The following EDNRB variants were observed in gnomAD, a reference collection of about 807,000 sequenced individuals.
EDNRB encodes endothelin receptor type B, also known as Hirschsprung disease 2.
Under a neutral mutation model 46.4 loss-of-function variants are expected in EDNRB, and 18 were observed. The ratio of observed to expected loss-of-function variants is 0.39; its 90% CI spans 0.27 to 0.57. The LOEUF (loss-of-function observed/expected upper bound fraction) is 0.57. Among genes scored for constraint, EDNRB ranks in the 20% least tolerant of loss-of-function variants. The probability of loss-of-function intolerance (pLI) is 0.61; values close to 1 mark genes in which losing one functional copy is unlikely to be tolerated. For synonymous variants in EDNRB, 213 were observed against 204.9 expected (o/e 1.04, Z -0.34); for missense variants, 434 against 537.5 (o/e 0.81, Z 1.90).
chr13:77,907,097 C>T (rs1250280406), intron 1 of EDNRB, among the ~76,000 whole-genome samples: 1 of 152,004 alleles, frequency 6.6e-6, no homozygotes, highest in African/African-American at 2.4e-5. Context: ...CTTCTGCTCA[C>T]CTAGTGCGAT....
chr13:77,954,583 C>G (rs968114763), intron 1 of EDNRB, among the ~76,000 whole-genome samples: 5 of 151,886 alleles, frequency 3.3e-5, no homozygotes, highest in African/African-American at 1.2e-4. Flanking sequence ...ACGATCTCGG[C>G]TCACTGCCAT....
At chr13:77,933,574 A>G (rs905135618) in intron 1 of EDNRB, among the ~76,000 whole-genome samples, 13 of 152,098 alleles carry the variant, frequency 8.5e-5, no homozygotes, top group African/African-American at 2.9e-4. Context: ...GGCCATCTGG[A>G]TGTGTACGTG....
At chr13:77,975,000 C>T (rs12720109) in intron 1 of EDNRB, among the ~76,000 whole-genome samples, 2,195 of 152,096 alleles carry the variant, frequency 0.014, 45 homozygotes, top group East Asian at 0.024. Context: ...AACAAAGAAC[C>T]GGTAAAAAGG....
chr13:77,924,533 G>A (rs1297412306), upstream of EDNRB, among the ~76,000 whole-genome samples: 2 of 152,272 alleles, frequency 1.3e-5, no homozygotes, highest in East Asian at 3.9e-4. Context: ...ATCTTTTAAT[G>A]TGGTAAAAAA....
chr13:77,926,514 A>G (rs1259952475), intron 1 of EDNRB, among the ~76,000 whole-genome samples: 1 of 152,210 alleles, frequency 6.6e-6, no homozygotes, highest in African/African-American at 2.4e-5. Context: ...CCTTTGCTCC[A>G]GTTCCCAACA....
At chr13:77,964,024 G>T (rs1314724152) in intron 1 of EDNRB, among the ~76,000 whole-genome samples, 1 of 152,108 alleles carries the variant, frequency 6.6e-6, no homozygotes, top group Non-Finnish European at 1.5e-5. Flanking sequence ...GAAAAAATGT[G>T]CCTCATCACT....
intron 1 of EDNRB, among the ~76,000 whole-genome samples, chr13:77,956,989 G>A (rs1566336791): frequency 6.6e-6 from 1 of 152,152 alleles, no homozygotes; most frequent in Non-Finnish European, 1.5e-5. Context: ...AGGGACTGAG[G>A]ACTAGGACAT....
At chr13:77,959,105 A>C (rs1881324385) in intron 1 of EDNRB, among the ~76,000 whole-genome samples, 2 of 152,212 alleles carry the variant, frequency 1.3e-5, no homozygotes, top group South Asian at 4.1e-4. Flanking sequence ...ATTTTCTCCT[A>C]TACTCAAATA....
Position 77,903,223 on chromosome 13 carries a change from A to G in EDNRB, c.734T>C (p.Met245Thr), listed in dbSNP as rs1216200131. 1.2e-6 allele frequency: 2 copies of G among 1,612,938 alleles called. No individual in the cohort carries two copies. Among genetic ancestry groups the G allele is most frequent in the Non-Finnish European group, 1.7e-6 (2 of 1,179,378 alleles). The change falls in exon 3 of 7, where the codon ATG (methionine) becomes ACG (threonine). Residue 245 changes from methionine to threonine, a missense_variant. Met to Thr is a moderately conservative substitution (Grantham distance 81, BLOSUM62 -1). Coordinates refer to ENST00000646607, the MANE Select transcript of EDNRB (RefSeq NM_001122659.3). Reference protein sequence around the residue: ...PEAIGFDIITMDYKGSYLRIC... With the variant: ...PEAIGFDIITTDYKGSYLRIC... ...TCGCAGATAACTTCCTTTGTAGTCC[A>G]TCGTAATTATATCAAAACCTATGGC...
chr13:77,912,619 G>A (rs1879628128), intron 1 of EDNRB, among the ~76,000 whole-genome samples: 1 of 152,084 alleles, frequency 6.6e-6, no homozygotes, highest in South Asian at 2.1e-4. Context: ...GACAGTTGCA[G>A]CCACTATGAT....
Position 77,901,074 on chromosome 13 carries a change from T to C in EDNRB, c.935A>G (p.Asn312Ser). Residue 312 changes from asparagine (N) to serine (S), a missense_variant, in exon 4 of 7, where the codon AAT becomes AGT. By Grantham distance (46) the Asn-to-Ser change is conservative. Transcript: ENST00000646607. ...RKKSGMQIAL[N>S]DHLKQRREVA... ...TTTTCTTACCTGCTTTAGGTGATCATTTAAAGCAATCTGCATGCCACTTTT... is the reference window on the plus strand; with the variant it reads ...TTTTCTTACCTGCTTTAGGTGATCACTTAAAGCAATCTGCATGCCACTTTT... 1 of 1,610,852 alleles carries C rather than the reference T, an allele frequency of 6.2e-7. No individual in the cohort carries two copies. The highest frequency in any genetic ancestry group is 8.5e-7 in the Non-Finnish European group (1 of 1,178,276).
intron 1 of EDNRB, among the ~76,000 whole-genome samples, chr13:77,950,089 C>T (rs1881046993): frequency 6.6e-6 from 1 of 152,114 alleles, no homozygotes; most frequent in South Asian, 2.1e-4. Flanking sequence ...TGTTTCTCTT[C>T]CACTGTACAA....
At chr13:77,929,230 T>C (rs1181642668) in intron 1 of EDNRB, among the ~76,000 whole-genome samples, 1 of 152,180 alleles carries the variant, frequency 6.6e-6, no homozygotes, top group Non-Finnish European at 1.5e-5. Context: ...TTAGAAATCC[T>C]CATAGCATAC....
At chr13:77,970,721 G>C (rs908962054) in intron 1 of EDNRB, among the ~76,000 whole-genome samples, 20 of 151,882 alleles carry the variant, frequency 1.3e-4, no homozygotes, top group African/African-American at 4.8e-4. Context: ...ACATCAGATT[G>C]GTCATTTCCT....
At chr13:77,949,336 G>T (rs936562549) in intron 1 of EDNRB, among the ~76,000 whole-genome samples, 1 of 152,146 alleles carries the variant, frequency 6.6e-6, no homozygotes, top group Non-Finnish European at 1.5e-5. Flanking sequence ...GATAGAGCTT[G>T]GTACTGCCCA....
At chr13:77,949,778 A>G (rs1881035891) in intron 1 of EDNRB, among the ~76,000 whole-genome samples, 1 of 152,162 alleles carries the variant, frequency 6.6e-6, no homozygotes, top group Non-Finnish European at 1.5e-5. Context: ...TCTGTGAGTA[A>G]TCCCACAAAG....
In EDNRB at chr13:77,899,480, T is replaced by C. The variant is rs542618677; in HGVS notation, c.1194+379A>G. The C allele has an allele frequency of 1.5e-5, 3 of 200,580 alleles. No individual in the cohort carries two copies. The South Asian group carries it at 2.5e-4, about 17-fold the overall frequency. The allele number at this position is 200,580 out of a possible 1,614,324, so 12.4% of individuals were successfully genotyped here. A position where few individuals can be genotyped will look rare whatever the true frequency, so the allele number is the denominator to read the frequency against. On this transcript the variant is annotated intron_variant, in intron 6 of 6. Transcript: ENST00000646607. ...TGTGAAAAAGGAACTAATTTAGTTA[T>C]AATAATAATTGCAGCTGCGAAGTTC... is the stretch of plus-strand genomic sequence containing the variant.
chr13:77,963,898 C>T (rs1406213104), intron 1 of EDNRB, among the ~76,000 whole-genome samples: 1 of 151,800 alleles, frequency 6.6e-6, no homozygotes, highest in East Asian at 1.9e-4. Context: ...ATCCAGAATC[C>T]ACAATGAACT....
chr13:77,928,922 T>C (rs1009538238), intron 1 of EDNRB, among the ~76,000 whole-genome samples: 1 of 152,236 alleles, frequency 6.6e-6, no homozygotes, highest in Non-Finnish European at 1.5e-5. Flanking sequence ...AATCATTTTT[T>C]ATAGTGATTA....
Sources: allele counts gnomAD v4.1 joint callset (sites outside exome capture counted in the v4.1 genomes callset), GRCh38; gene constraint gnomAD v4.1.1; transcripts MANE v1.5; gene names NCBI Gene and HGNC (gene_info 2026-07-23, HGNC 2026-07-21).